Variants in TEAD1 observed in about 807,000 individuals in gnomAD.
TEAD1 encodes TEA domain transcription factor 1.
TEAD1 carries 9 observed loss-of-function variants against 54.9 expected under a neutral mutation model. The observed-to-expected ratio is 0.16, with a 90% CI of 0.10 to 0.29. TEAD1 has a LOEUF of 0.29. TEAD1 is among the 10% of genes least tolerant of loss of function. The pLI is 1.00. For missense variants in TEAD1, 387 were observed against 535.9 expected, an observed-to-expected ratio of 0.72 and a Z score of 2.74; for synonymous variants, 200 against 187.8, an observed-to-expected ratio of 1.07 and a Z score of -0.53.
chr11:12,859,464 G>T (rs1947456767), intron 3 of TEAD1, among the ~76,000 whole-genome samples: 1 of 152,196 alleles, frequency 6.6e-6, no homozygotes. Context: ...TGCAGACATT[G>T]TCATTTAGCT....
chr11:12,930,197 T>C lies in TEAD1; in HGVS notation c.1038T>C (p.Asn346=), dbSNP rs1948989494. 2 of 1,614,252 alleles carry C rather than the reference T, an allele frequency of 1.2e-6. No individual in the cohort carries two copies. Among genetic ancestry groups the C allele is most frequent in the South Asian group, 2.2e-5 (2 of 91,084 alleles). Residue 346 remains asparagine (N), a synonymous_variant, in exon 12 of 13, where the codon AAT becomes AAC. Transcript: ENST00000527636. ...AGACGGAGTATGCAAGGTTTGAGAA[T>C]GGCCGATTTGTATACCGAATAAACC...
intron 2 of TEAD1, among the ~76,000 whole-genome samples, chr11:12,736,144 T>C (rs1297981461): frequency 2.0e-5 from 3 of 152,264 alleles, no homozygotes; most frequent in Admixed American, 2.0e-4. Context: ...AGTTTGCCTC[T>C]TGGATTCCTC....
At chr11:12,701,661 A>C (rs1308976013) in intron 2 of TEAD1, among the ~76,000 whole-genome samples, 2 of 151,998 alleles carry the variant, frequency 1.3e-5, no homozygotes, top group South Asian at 4.2e-4. Flanking sequence ...GAGAAGAAAA[A>C]CTGCAGGCTA....
In TEAD1 at chr11:12,726,832, T is replaced by G. The variant is rs192401574; in HGVS notation, c.-54-37347T>G. Among the ~76,000 whole-genome samples, 4 of 152,270 alleles carry G rather than the reference T, an allele frequency of 2.6e-5. No individual in the cohort carries two copies. The East Asian group carries it at 5.8e-4, about 22-fold the overall frequency. On this transcript the variant is annotated intron_variant, in intron 2 of 12. Transcript: ENST00000527636. ...CAGCCTGGGTGACAGAGTGAGACTC[T>G]GTTTCAAAAAACAAATGTATAATTT...
chr11:12,848,557 G>A (rs1264267550), intron 3 of TEAD1, among the ~76,000 whole-genome samples: 1 of 152,190 alleles, frequency 6.6e-6, no homozygotes, highest in South Asian at 2.1e-4. Flanking sequence ...ACTTGGGCAA[G>A]TTTCTTAACT....
intron 2 of TEAD1, among the ~76,000 whole-genome samples, chr11:12,710,592 T>G (rs144365378): frequency 3.9e-5 from 6 of 152,202 alleles, no homozygotes; most frequent in Admixed American, 1.3e-4. Context: ...GGGAGCATCT[T>G]TATTATAATT....
intron 3 of TEAD1, among the ~76,000 whole-genome samples, chr11:12,776,289 C>A (rs918563031): frequency 2.0e-5 from 3 of 152,168 alleles, no homozygotes; most frequent in Non-Finnish European, 2.9e-5. Flanking sequence ...GAAAGGAAGA[C>A]GTCCACATCC....
At chr11:12,742,880 T>C (rs548807381) in intron 2 of TEAD1, among the ~76,000 whole-genome samples, 4 of 152,236 alleles carry the variant, frequency 2.6e-5, no homozygotes, top group Admixed American at 2.6e-4. Context: ...AAGCCATAGC[T>C]CAGCCTCCAG....
At chr11:12,898,244 C>A (rs1948351163) in intron 9 of TEAD1, among the ~76,000 whole-genome samples, 1 of 152,102 alleles carries the variant, frequency 6.6e-6, no homozygotes. Flanking sequence ...TGCTTGCTCC[C>A]AGCTCTTGGC....
chr11:12,772,140 G>A (rs1024935699), intron 3 of TEAD1, among the ~76,000 whole-genome samples: 2 of 152,166 alleles, frequency 1.3e-5, no homozygotes, highest in Non-Finnish European at 2.9e-5. Flanking sequence ...TGAGGTTTTG[G>A]TGCAGGAAAT....
intron 2 of TEAD1, among the ~76,000 whole-genome samples, chr11:12,751,414 G>A (rs1198480723): frequency 7.9e-5 from 12 of 152,098 alleles, no homozygotes; most frequent in Admixed American, 7.9e-4. Flanking sequence ...CAGTTCATTT[G>A]TACTGGCTGG....
chr11:12,744,863 C>A (rs939119782), intron 2 of TEAD1, among the ~76,000 whole-genome samples: 1 of 152,140 alleles, frequency 6.6e-6, no homozygotes, highest in Admixed American at 6.5e-5. Flanking sequence ...CGTTGAGGCA[C>A]CTGGCTCCCC....
At chr11:12,854,019 C>T (rs531671968) in intron 3 of TEAD1, among the ~76,000 whole-genome samples, 35 of 152,250 alleles carry the variant, frequency 2.3e-4, no homozygotes, top group East Asian at 3.9e-4. Context: ...TCCTGAAGGC[C>T]GTCAGTCCTT....
chr11:12,815,527 A>G (rs1185437064), intron 3 of TEAD1, among the ~76,000 whole-genome samples: 2 of 152,196 alleles, frequency 1.3e-5, no homozygotes, highest in Non-Finnish European at 2.9e-5. Context: ...GTGTAACCAT[A>G]TGTGTGTGGA....
intron 2 of TEAD1, among the ~76,000 whole-genome samples, chr11:12,744,123 A>G (rs533950573): frequency 1.3e-5 from 2 of 152,298 alleles, no homozygotes; most frequent in South Asian, 4.1e-4. Flanking sequence ...TTATCCCCAA[A>G]GGCGTTTGGA....
At chr11:12,923,584 A>G (rs1948853189) in intron 10 of TEAD1, among the ~76,000 whole-genome samples, 1 of 152,124 alleles carries the variant, frequency 6.6e-6, no homozygotes. Flanking sequence ...GAAGGCAGCT[A>G]TTACTCTGTG....
chr11:12,859,306 G>C lies in TEAD1; in HGVS notation c.203-2944G>C, dbSNP rs180758526. On this transcript the variant is annotated intron_variant, in intron 3 of 12. Coordinates refer to ENST00000527636, the MANE Select transcript of TEAD1 (RefSeq NM_021961.6). The stretch of plus-strand genomic sequence containing the variant: ...GTTTTCCCAGAAAATAAACAAGTTT[G>C]AGGGTAGGAGACATTTTTGTCATCT... 1.1e-4 allele frequency among the ~76,000 whole-genome samples: 17 copies of C among 152,332 alleles called. No homozygotes were observed. The South Asian group carries it at 1.4e-3, about 13-fold the overall frequency.
intron 3 of TEAD1, among the ~76,000 whole-genome samples, chr11:12,808,376 C>T (rs75495001): frequency 0.023 from 3,487 of 152,234 alleles, 135 homozygotes; most frequent in African/African-American, 0.08. Flanking sequence ...AGTGGGGCCC[C>T]AAATGCACCA....
intron 2 of TEAD1, among the ~76,000 whole-genome samples, chr11:12,713,790 G>A (rs954040309): frequency 2.0e-5 from 3 of 152,166 alleles, no homozygotes; most frequent in South Asian, 4.1e-4. Flanking sequence ...CCACTCCGCC[G>A]TCCTTTGCGT....
Sources: gnomAD v4.1 joint callset for allele counts (sites outside exome capture counted in the v4.1 genomes callset) on GRCh38, gnomAD v4.1.1 for gene constraint, MANE v1.5 for transcripts, NCBI Gene and HGNC (gene_info 2026-07-23, HGNC 2026-07-21) for gene names.